Variants in ATP5PF observed in about 807,000 individuals in gnomAD.
ATP5PF encodes the protein ATP synthase peripheral stalk subunit F6, also known as ATP synthase peripheral stalk subunit F6, mitochondrial.
A neutral mutation model predicts 12.0 loss-of-function variants in ATP5PF; 7 were observed. The ratio of observed to expected loss-of-function variants is 0.58; its 90% CI spans 0.33 to 1.10. ATP5PF has a LOEUF of 1.10. Ranked by LOEUF, ATP5PF falls within the 50% of genes least tolerant of loss-of-function variation. The pLI, the probability that ATP5PF is intolerant of heterozygous loss-of-function variation, is 0.03. For missense variants in ATP5PF, 120 were observed against 127.7 expected, an observed-to-expected ratio of 0.94 and a Z score of 0.29; for synonymous variants, 41 against 45.4, an observed-to-expected ratio of 0.90 and a Z score of 0.39.
At position 25,731,546 on chromosome 21, in the gene ATP5PF, G is replaced by C. The variant is rs564584305; in HGVS notation, c.-7-1745C>G. Among the ~76,000 whole-genome samples, 8 of 151,850 alleles carry C rather than the reference G, an allele frequency of 5.3e-5. No individual in the cohort carries two copies. In the East Asian group the frequency reaches 1.6e-3, roughly 30 times the overall value. ...AGCACAGTTGTGTGCCATCACACCA[G>C]GCTAATTTTTACTTTTTTTTTTTTT... On this transcript the variant is annotated intron_variant, in intron 1 of 3. Transcript: ENST00000284971.
chr21:25,731,866 T>C (rs1198492843), intron 1 of ATP5PF, among the ~76,000 whole-genome samples: 1 of 151,776 alleles, frequency 6.6e-6, no homozygotes, highest in Non-Finnish European at 1.5e-5. Context: ...GGGAGGATTG[T>C]TTGAACTCAG....
chr21:25,734,432 G>A (rs1174519729), intron 1 of ATP5PF: 1 of 952,622 alleles, frequency 1.0e-6, no homozygotes, highest in Admixed American at 5.6e-5. Flanking sequence ...TTTTTAGGTG[G>A]GATGCAAACT....
chr21:25,725,949 G>A (rs1409218623), intron 2 of ATP5PF, among the ~76,000 whole-genome samples: 2 of 152,184 alleles, frequency 1.3e-5, no homozygotes, highest in East Asian at 1.9e-4. Flanking sequence ...TGCAAAAGGT[G>A]TATCGTTAAG....
At position 25,734,847 on chromosome 21, in the gene ATP5PF, A is replaced by G. The variant is rs2034959579; in HGVS notation, c.-8+6T>C. The G allele has an allele frequency of 5.9e-6, 9 of 1,537,198 alleles. No individual in the cohort carries two copies. Among genetic ancestry groups the G allele is most frequent in the Non-Finnish European group, 7.0e-6 (8 of 1,144,850 alleles). On this transcript the variant is annotated splice_donor_region_variant and intron_variant, in intron 1 of 3. Coordinates refer to ENST00000284971, the MANE Select transcript of ATP5PF (RefSeq NM_001003703.2). Reference sequence around the variant, plus strand: ...GCCACGCTGATCTAGCTACCCTCCCAGTCACCTTGCACTCAGTCCCGAGCT... The same window carrying G: ...GCCACGCTGATCTAGCTACCCTCCCGGTCACCTTGCACTCAGTCCCGAGCT...
chr21:25,732,889 A>AGAAGGGCGTAAACCTGGAAAGT (rs1372098799), intron 1 of ATP5PF, among the ~76,000 whole-genome samples: 5 of 141,284 alleles, frequency 3.5e-5, no homozygotes, highest in African/African-American at 1.0e-4. Flanking sequence ...AGGCTGAGGC[A>AGAAGGGCGTAAACCTGGAAAGT]GGAGATTCCT....
intron 3 of ATP5PF, 164 bp from the exon 4 acceptor site, chr21:25,724,841 T>C: frequency 2.9e-6 from 2 of 701,128 alleles, no homozygotes; most frequent in Non-Finnish European, 4.7e-6. Flanking sequence ...ACACTTTCTA[T>C]GAGCCATGCA....
At chr21:25,726,136 C>T (rs1428722115) in intron 2 of ATP5PF, among the ~76,000 whole-genome samples, 1 of 152,208 alleles carries the variant, frequency 6.6e-6, no homozygotes, top group African/African-American at 2.4e-5. Flanking sequence ...CAGTGCCTGG[C>T]ACACAGTGAG....
rs1733145396 is a variant in ATP5PF, at chr21:25,725,271, A to G, written c.244T>C (p.Phe82Leu). The G allele has an allele frequency of 6.2e-7, 1 of 1,613,352 alleles. No individual in the cohort carries two copies. The highest frequency in any genetic ancestry group is 8.5e-7 in the Non-Finnish European group (1 of 1,179,976). Residue 82 changes from phenylalanine to leucine, a missense_variant, in exon 3 of 4, where the codon TTT (phenylalanine) becomes CTT (leucine). Phe to Leu is a conservative substitution (Grantham distance 22). Coordinates refer to ENST00000284971, the MANE Select transcript of ATP5PF (RefSeq NM_001003703.2). ...AATGTATTCATGTCTGCATTACCAA[A>G]CATTTGCTTGAGCTTAAAAAGCTCC... The part of the protein sequence containing the change: ...ERELFKLKQM[F>L]GNADMNTFPT...
At chr21:25,729,115 C>T (rs916087271) in intron 2 of ATP5PF, among the ~76,000 whole-genome samples, 1 of 152,076 alleles carries the variant, frequency 6.6e-6, no homozygotes, top group Non-Finnish European at 1.5e-5. Context: ...CTTTAATATA[C>T]ATTCTCAGAG....
chr21:25,724,919 C>T, intron 3 of ATP5PF: 1 of 583,104 alleles, frequency 1.7e-6, no homozygotes. Flanking sequence ...ATAATTCTCC[C>T]CAAATGTCAG....
chr21:25,735,041 C>G (rs1219331681), upstream of ATP5PF: 1 of 1,408,242 alleles, frequency 7.1e-7, no homozygotes, highest in Non-Finnish European at 9.7e-7. Context: ...CTAGGTGAGA[C>G]AGAAGCCAAA....
intron 1 of ATP5PF, among the ~76,000 whole-genome samples, chr21:25,733,583 CA>C (rs71649634): frequency 2.5e-4 from 37 of 146,720 alleles, no homozygotes; most frequent in Admixed American, 3.4e-4. Context: ...CACATATATG[CA>C]AAAAAAAAAA....
At chr21:25,734,955 T>C (rs754969271), upstream of ATP5PF, 9 of 1,574,076 alleles carry the variant, frequency 5.7e-6, no homozygotes, top group South Asian at 1.0e-4. Flanking sequence ...TCGCAATGCA[T>C]TATGGGCCGC....
chr21:25,729,634 C>G lies in ATP5PF; in HGVS notation c.161G>C (p.Arg54Pro). The G allele has an allele frequency of 6.2e-7, 1 of 1,606,064 alleles. No individual in the cohort carries two copies. The highest frequency in any genetic ancestry group is 8.5e-7 in the Non-Finnish European group (1 of 1,175,808). The change falls in exon 2 of 4, where the codon CGA becomes CCA. Residue 54 changes from arginine (R) to proline (P), a missense_variant. Coordinates refer to ENST00000284971, the MANE Select transcript of ATP5PF (RefSeq NM_001003703.2). ...CTGTAGTTATTTATTCACTTACTGT[C>G]GCTTAGATTTGTATTCTCTAATCTT... ...VDKIREYKSKRQTSGGPVDAS... is the reference protein window; with the variant it reads ...VDKIREYKSKPQTSGGPVDAS...
At chr21:25,730,422 G>C (rs183352725) in intron 1 of ATP5PF, among the ~76,000 whole-genome samples, 4 of 152,262 alleles carry the variant, frequency 2.6e-5, no homozygotes, top group Non-Finnish European at 5.9e-5. Flanking sequence ...GAAGGAGATG[G>C]AAGTCTGAAT....
chr21:25,730,770 A>AAAAAAAAAAAAAAAAAAAC (rs2034750697), intron 1 of ATP5PF, among the ~76,000 whole-genome samples: 1 of 141,768 alleles, frequency 7.1e-6, no homozygotes, highest in Non-Finnish European at 1.5e-5. Flanking sequence ...AAAAAAAAAA[A>AAAAAAAAAAAAAAAAAAAC]AAAAAGACTT....
chr21:25,730,736 C>CACAAAAAAAAAAAAAA (rs1219090743), intron 1 of ATP5PF, among the ~76,000 whole-genome samples: 20 of 31,894 alleles, frequency 6.3e-4, no homozygotes, highest in Non-Finnish European at 1.1e-3. Flanking sequence ...CTCCGTCTCA[C>CACAAAAAAAAAAAAAA]AAAAAAAAAA....
At chr21:25,730,629 G>A (rs548531455) in intron 1 of ATP5PF, among the ~76,000 whole-genome samples, 4 of 150,772 alleles carry the variant, frequency 2.7e-5, no homozygotes, top group Non-Finnish European at 3.0e-5. Context: ...AGCTACTCAG[G>A]AGGCTGAGGC....
upstream of ATP5PF, chr21:25,735,022 C>A: frequency 6.6e-7 from 1 of 1,515,192 alleles, no homozygotes; most frequent in Non-Finnish European, 8.9e-7. Context: ...AGTCTGCGAC[C>A]GGACGGGTCT....
Sources: allele counts gnomAD v4.1 joint callset (sites outside exome capture counted in the v4.1 genomes callset), GRCh38; gene constraint gnomAD v4.1.1; transcripts MANE v1.5; gene names NCBI Gene and HGNC (gene_info 2026-07-23, HGNC 2026-07-21).